The following OR1J2 variants were observed in gnomAD, a reference collection of about 807,000 sequenced individuals.
OR1J2 encodes olfactory receptor 1J2.
For synonymous variants in OR1J2, 142 were observed against 99.7 expected, an observed-to-expected ratio of 1.42 and a Z score of -2.52; for missense variants, 304 against 246.1, an observed-to-expected ratio of 1.24 and a Z score of -1.57.
chr9:122,466,931 G>A, the OR1J2 span, among the ~76,000 whole-genome samples: 1 of 152,068 alleles, frequency 6.6e-6, no homozygotes, highest in Non-Finnish European at 1.5e-5. Context: ...CGATTCTCCT[G>A]GCTCAGCCTC....
At chr9:122,519,915 T>C in the OR1J2 span, 1 of 1,614,200 alleles carries the variant, frequency 6.2e-7, no homozygotes, top group Non-Finnish European at 8.5e-7. Flanking sequence ...TATTGGACTG[T>C]ATTTTCTCCC....
At chr9:122,479,373 T>C in the OR1J2 span, among the ~76,000 whole-genome samples, 1 of 152,348 alleles carries the variant, frequency 6.6e-6, no homozygotes, top group South Asian at 2.1e-4. Context: ...AGTTTGGATT[T>C]CCTCCTCCAG....
chr9:122,474,951 C>T, the OR1J2 span: 6 of 152,250 alleles, frequency 3.9e-5, no homozygotes, highest in African/African-American at 1.4e-4. Flanking sequence ...GAGAGCTTCC[C>T]TTTACCCTGC....
the OR1J2 span, among the ~76,000 whole-genome samples, chr9:122,473,220 C>T: frequency 6.7e-6 from 1 of 149,734 alleles, no homozygotes; most frequent in Non-Finnish European, 1.5e-5. Flanking sequence ...AAATTTAGTA[C>T]AATCTGTAAC....
At chr9:122,483,770 G>A in the OR1J2 span, among the ~76,000 whole-genome samples, 5 of 152,072 alleles carry the variant, frequency 3.3e-5, no homozygotes, top group Non-Finnish European at 7.4e-5. Context: ...AAGTACATTA[G>A]GTCATATGTT....
At chr9:122,567,811 G>C in the OR1J2 span, 1 of 1,614,046 alleles carries the variant, frequency 6.2e-7, no homozygotes, top group Non-Finnish European at 8.5e-7. Context: ...ACTGTAGTGA[G>C]GATTCGTATA....
the OR1J2 span, among the ~76,000 whole-genome samples, chr9:122,525,613 T>C: frequency 6.6e-6 from 1 of 152,124 alleles, no homozygotes; most frequent in African/African-American, 2.4e-5. Context: ...GGAGAGAGGA[T>C]TTCCACGTTC....
chr9:122,563,181 G>GT, the OR1J2 span, among the ~76,000 whole-genome samples: 4 of 90,206 alleles, frequency 4.4e-5, no homozygotes, highest in African/African-American at 1.8e-4. Context: ...ACTAGCATTT[G>GT]TTATTTTTTT....
the OR1J2 span, among the ~76,000 whole-genome samples, chr9:122,529,929 T>C: frequency 5.3e-5 from 8 of 152,370 alleles, no homozygotes; most frequent in East Asian, 1.3e-3. Context: ...GCAAAGTAGA[T>C]GTTCTTAATT....
chr9:122,521,268 C>A, the OR1J2 span, among the ~76,000 whole-genome samples: 2 of 152,168 alleles, frequency 1.3e-5, no homozygotes, highest in East Asian at 3.8e-4. Context: ...TGCAGACACT[C>A]CTGAATTATG....
chr9:122,569,808 T>G, the OR1J2 span, among the ~76,000 whole-genome samples: 2 of 152,092 alleles, frequency 1.3e-5, no homozygotes, highest in Non-Finnish European at 2.9e-5. Flanking sequence ...TAGATATATC[T>G]CCTAAAGCTA....
chr9:122,519,319 T>C, the OR1J2 span: 3 of 1,613,980 alleles, frequency 1.9e-6, no homozygotes. Flanking sequence ...ACCCCCATGT[T>C]CTTCTTCCTC....
the OR1J2 span, among the ~76,000 whole-genome samples, chr9:122,557,196 T>C: frequency 6.6e-6 from 1 of 152,162 alleles, no homozygotes. Flanking sequence ...TATTTATTCC[T>C]TCTGAATCTG....
At chr9:122,508,206 A>G (rs911283484), upstream of OR1J2, among the ~76,000 whole-genome samples, 1 of 150,246 alleles carries the variant, frequency 6.7e-6, no homozygotes, top group Non-Finnish European at 1.5e-5. Context: ...GAAGGAGGAG[A>G]AGGAGGAGGA....
the OR1J2 span, among the ~76,000 whole-genome samples, chr9:122,503,446 G>A: frequency 1.1e-4 from 17 of 152,216 alleles, no homozygotes; most frequent in Non-Finnish European, 2.9e-5. Context: ...AGTCCATGCT[G>A]TTGGACTCAT....
chr9:122,451,177 A>G, the OR1J2 span, among the ~76,000 whole-genome samples: 1 of 145,508 alleles, frequency 6.9e-6, no homozygotes, highest in South Asian at 2.1e-4. Flanking sequence ...TATTATTATT[A>G]TTATTATTAT....
At chr9:122,562,668 C>T in the OR1J2 span, among the ~76,000 whole-genome samples, 3 of 152,130 alleles carry the variant, frequency 2.0e-5, no homozygotes, top group Non-Finnish European at 2.9e-5. Context: ...GGTGACAGCA[C>T]CTGGATACCT....
chr9:122,508,127 GGAGA>G (rs954248287), upstream of OR1J2, among the ~76,000 whole-genome samples: 3 of 145,238 alleles, frequency 2.1e-5, no homozygotes, highest in Non-Finnish European at 3.0e-5. Context: ...AGTGAGGGGG[GGAGA>G]GAGAGAGAGG....
the OR1J2 span, among the ~76,000 whole-genome samples, chr9:122,472,498 G>A: frequency 6.6e-6 from 1 of 152,156 alleles, no homozygotes; most frequent in South Asian, 2.1e-4. Flanking sequence ...TGCCTATAGT[G>A]CTTCAGAGCT....
Sources: gnomAD v4.1 joint callset for allele counts (sites outside exome capture counted in the v4.1 genomes callset) on GRCh38, gnomAD v4.1.1 for gene constraint, MANE v1.5 for transcripts, NCBI Gene and HGNC (gene_info 2026-07-23, HGNC 2026-07-21) for gene names.